Variants in KIAA1217 observed in about 807,000 individuals in gnomAD.
The protein encoded by KIAA1217 is KIAA1217.
Under a neutral mutation model 163.9 loss-of-function variants are expected in KIAA1217, and 88 were observed. The ratio of observed to expected loss-of-function variants is 0.54; its 90% confidence interval spans 0.45 to 0.64. KIAA1217 has a LOEUF of 0.64. Among genes scored for constraint, KIAA1217 ranks in the 30% least tolerant of loss-of-function variants. The probability of loss-of-function intolerance (pLI) is 0.00; values close to 1 mark genes in which losing one functional copy is unlikely to be tolerated. For missense variants in KIAA1217, 2,372 were observed against 2,475.0 expected, an observed-to-expected ratio of 0.96 and a Z score of 0.88; for synonymous variants, 903 against 923.1, an observed-to-expected ratio of 0.98 and a Z score of 0.39.
intron 5 of KIAA1217, among the ~76,000 whole-genome samples, chr10:24,438,733 G>T (rs965137112): frequency 6.6e-6 from 1 of 152,132 alleles, no homozygotes; most frequent in Non-Finnish European, 1.5e-5. Context: ...TACTTTAAAT[G>T]AATTCTGAAA....
intron 2 of KIAA1217, among the ~76,000 whole-genome samples, chr10:24,173,383 G>A (rs560175136): frequency 5.6e-4 from 85 of 152,228 alleles, no homozygotes; most frequent in African/African-American, 2.0e-3. Flanking sequence ...GAAATAAAGT[G>A]TAAAAATAAT....
In KIAA1217 at chr10:24,528,117, C is replaced by T. The variant is rs899032553; in HGVS notation, c.3080C>T (p.Ser1027Leu). The change falls in exon 14 of 21, where the codon TCA (serine) becomes TTA (leucine). Residue 1027 changes from serine (S) to leucine (L), a missense_variant and splice_region_variant. Physicochemically the swap from Ser to Leu is moderately radical, Grantham distance 145. This residue lies in a region of KIAA1217 where 1,431 missense variants were observed against 1,470.3 expected (regional missense o/e 0.97). Coordinates refer to ENST00000376454, the MANE Select transcript of KIAA1217 (RefSeq NM_019590.5). Reference protein sequence around the residue: ...GDAPVDKVELSEDSPNSEQDL... With the variant: ...GDAPVDKVELLEDSPNSEQDL... ...GCCCCAGTGGACAAGGTGGAACTTT[C>T]AGGTAAGTTCCGGTCCCACAGCAGG... 4 of 1,613,684 alleles carry T rather than the reference C, an allele frequency of 2.5e-6. No homozygotes were observed. In the South Asian group the frequency reaches 4.4e-5, roughly 18 times the overall value.
intron 1 of KIAA1217, among the ~76,000 whole-genome samples, chr10:23,929,338 A>G (rs554927557): frequency 1.3e-5 from 2 of 152,038 alleles, no homozygotes; most frequent in South Asian, 4.2e-4. Flanking sequence ...TTTATTTTAG[A>G]CTAAGGGGGC....
chr10:24,030,133 T>C (rs1848130680), intron 2 of KIAA1217, among the ~76,000 whole-genome samples: 1 of 152,190 alleles, frequency 6.6e-6, no homozygotes, highest in Admixed American at 6.5e-5. Flanking sequence ...TAATTTATCA[T>C]TGTGATAAAA....
intron 5 of KIAA1217, chr10:24,449,787 A>G: frequency 1.0e-6 from 1 of 962,564 alleles, no homozygotes; most frequent in East Asian, 1.1e-4. Flanking sequence ...CCTTTATGAT[A>G]GGATATTATC....
chr10:24,202,557 C>T (rs2067320651), intron 2 of KIAA1217, among the ~76,000 whole-genome samples: 2 of 152,224 alleles, frequency 1.3e-5, no homozygotes, highest in African/African-American at 2.4e-5. Flanking sequence ...TTCATGAGCA[C>T]CGTTGCCCAA....
intron 17 of KIAA1217, among the ~76,000 whole-genome samples, chr10:24,538,421 T>C (rs2074354516): frequency 6.6e-6 from 1 of 152,080 alleles, no homozygotes; most frequent in Non-Finnish European, 1.5e-5. Flanking sequence ...CTCACACCTG[T>C]AATCCCAGCA....
chr10:24,495,768 TAG>T (rs2066709592), intron 8 of KIAA1217, among the ~76,000 whole-genome samples: 1 of 152,190 alleles, frequency 6.6e-6, no homozygotes, highest in East Asian at 1.9e-4. Flanking sequence ...GAAGGGACAG[TAG>T]CCAATAAGGA....
At chr10:24,506,627 C>T (rs1381571252) in intron 9 of KIAA1217, among the ~76,000 whole-genome samples, 2 of 152,118 alleles carry the variant, frequency 1.3e-5, no homozygotes, top group Non-Finnish European at 2.9e-5. Context: ...GAAAAATAAG[C>T]AAATGTATGA....
chr10:23,864,523 AACACACACAC>A (rs10544205), intron 1 of KIAA1217, among the ~76,000 whole-genome samples: 1 of 147,346 alleles, frequency 6.8e-6, no homozygotes, highest in South Asian at 2.2e-4. Flanking sequence ...TACACACACC[AACACACACAC>A]ACACACACAC....
At chr10:24,374,626 G>T (rs896280753) in intron 2 of KIAA1217, among the ~76,000 whole-genome samples, 2 of 152,124 alleles carry the variant, frequency 1.3e-5, no homozygotes, top group Admixed American at 1.3e-4. Flanking sequence ...AGAATCATGG[G>T]TGTCTCAGTC....
intron 1 of KIAA1217, among the ~76,000 whole-genome samples, chr10:23,765,019 A>C (rs1025881359): frequency 5.4e-5 from 8 of 149,318 alleles, no homozygotes; most frequent in East Asian, 1.9e-4. Flanking sequence ...CTTCTCCCCC[A>C]AAAAAACCCA....
At chr10:23,785,155 C>G (rs753027232) in intron 1 of KIAA1217, among the ~76,000 whole-genome samples, 1 of 152,164 alleles carries the variant, frequency 6.6e-6, no homozygotes. Flanking sequence ...CTCCAAGTTC[C>G]TCTTCTGTCA....
At position 23,701,620 on chromosome 10, in the gene KIAA1217, A is replaced by G. The variant is rs1836455373; in HGVS notation, c.-321+6386A>G. Among the ~76,000 whole-genome samples the G allele has an allele frequency of 2.0e-5, 3 of 152,162 alleles. No individual in the cohort carries two copies. In the South Asian group the frequency reaches 6.2e-4, roughly 32 times the overall value. On this transcript the variant is annotated intron_variant, in intron 1 of 18. Transcript: ENST00000376462. ...ATGAAGCATTACATGAACAACAAAAACTAATAATAAAATGACCCCTGTAAA... is the reference window on the plus strand; with the variant it reads ...ATGAAGCATTACATGAACAACAAAAGCTAATAATAAAATGACCCCTGTAAA...
At chr10:23,825,979 G>A (rs919066996) in intron 1 of KIAA1217, among the ~76,000 whole-genome samples, 9 of 152,146 alleles carry the variant, frequency 5.9e-5, no homozygotes, top group Non-Finnish European at 1.3e-4. Context: ...CCAGTTTCTG[G>A]TACACAGAGA....
chr10:24,165,271 G>A (rs2065292644), intron 2 of KIAA1217, among the ~76,000 whole-genome samples: 1 of 152,150 alleles, frequency 6.6e-6, no homozygotes, highest in African/African-American at 2.4e-5. Context: ...TGTAAGGGTG[G>A]AAGAGTATTG....
At chr10:23,940,314 G>T (rs1230061589) in intron 1 of KIAA1217, among the ~76,000 whole-genome samples, 1 of 151,922 alleles carries the variant, frequency 6.6e-6, no homozygotes, top group African/African-American at 2.4e-5. Flanking sequence ...ACAAAAATTA[G>T]CCAGGTGTGG....
At chr10:23,817,978 T>C (rs1404297230) in intron 1 of KIAA1217, among the ~76,000 whole-genome samples, 3 of 108,942 alleles carry the variant, frequency 2.8e-5, no homozygotes, top group African/African-American at 1.2e-4. Context: ...TATATATATA[T>C]ATATATATAT....
intron 5 of KIAA1217, among the ~76,000 whole-genome samples, chr10:24,448,244 C>T (rs931543879): frequency 1.4e-5 from 2 of 145,686 alleles, no homozygotes; most frequent in Admixed American, 7.0e-5. Context: ...CCTTTTTTTG[C>T]GTGGGGGGGG....
Sources: gnomAD v4.1 joint callset for allele counts (sites outside exome capture counted in the v4.1 genomes callset) on GRCh38, gnomAD v4.1.1 for gene constraint, gnomAD v4.1.1 regional missense constraint, MANE v1.5 for transcripts, NCBI Gene and HGNC (gene_info 2026-07-23, HGNC 2026-07-21) for gene names.